FBXO30: variants seen among roughly 807,000 people sequenced by gnomAD.
FBXO30 encodes the protein F-box protein 30, also known as F-box only protein 30.
Under a neutral mutation model 58.1 loss-of-function variants are expected in FBXO30, and 21 were observed. The observed-to-expected ratio is 0.36, with a 90% CI of 0.26 to 0.52. FBXO30 has a LOEUF of 0.52. Ranked by LOEUF, FBXO30 falls within the 20% of genes least tolerant of loss-of-function variation. The pLI, the probability that FBXO30 is intolerant of heterozygous loss-of-function variation, is 0.93. For synonymous variants in FBXO30, 309 were observed against 312.4 expected, an observed-to-expected ratio of 0.99 and a Z score of 0.11; for missense variants, 744 against 897.3, an observed-to-expected ratio of 0.83 and a Z score of 2.18.
Position 145,800,008 on chromosome 6 carries a change from T to A in FBXO30, c.*98A>T. The A allele has an allele frequency of 1.2e-6, 1 of 843,606 alleles. No homozygotes were observed. Among genetic ancestry groups the A allele is most frequent in the East Asian group, 2.7e-5 (1 of 37,390 alleles). 52.3% of individuals were successfully genotyped at this position (843,606 alleles called of 1,614,324 possible). ...CATTATATACACAGTGACAATAAAT[T>A]TAGCTAGTTGTAATATTTAATACAT... is the stretch of plus-strand genomic sequence containing the variant. On this transcript the variant is annotated 3_prime_UTR_variant, in exon 3 of 3. Coordinates refer to ENST00000237281, the MANE Select transcript of FBXO30 (RefSeq NM_032145.5).
rs1778110496 is a variant in FBXO30, at chr6:145,804,732, A to T, written c.1674T>A (p.Ala558=). ...GCTGAGAATAGGTACAACCATAGTA[A>T]GCTAAAGGGCACCTCTGTTCCATCC... is the stretch of plus-strand genomic sequence containing the variant. ...NGWMEQRCPL[A]YYGCTYSQRR... is the part of the protein sequence containing the mutation. The change falls in exon 2 of 3, where the codon GCT becomes GCA. Residue 558 remains alanine (A), a synonymous_variant. Transcript: ENST00000237281. 1.9e-6 allele frequency: 3 copies of T among 1,613,878 alleles called. No homozygotes were observed. Among genetic ancestry groups the T allele is most frequent in the Non-Finnish European group, 2.5e-6 (3 of 1,179,912 alleles).
intron 1 of FBXO30, 43 bp from the exon 2 acceptor site, chr6:145,806,464 T>G: frequency 1.3e-6 from 2 of 1,492,378 alleles, no homozygotes; most frequent in Non-Finnish European, 1.8e-6. Flanking sequence ...AGCCAAAAAA[T>G]GGTTGATTTT....
chr6:145,812,814 T>C (rs1216615870), intron 1 of FBXO30, among the ~76,000 whole-genome samples: 1 of 152,172 alleles, frequency 6.6e-6, no homozygotes, highest in African/African-American at 2.4e-5. Flanking sequence ...ACCTAAAATA[T>C]AGAAGCAACT....
chr6:145,794,202 A>G lies in FBXO30; in HGVS notation c.*5904T>C, dbSNP rs1777826339. ...CTGCATATTTCATATAAATGAAATCATATAATATGTAGCCTTTTGTGTCTA... is the reference window on the plus strand; with the variant it reads ...CTGCATATTTCATATAAATGAAATCGTATAATATGTAGCCTTTTGTGTCTA... On this transcript the variant is annotated 3_prime_UTR_variant, in exon 3 of 3. Coordinates refer to ENST00000237281, the MANE Select transcript of FBXO30 (RefSeq NM_032145.5). The G allele has an allele frequency of 6.6e-6, 1 of 152,010 alleles. No homozygotes were observed. The highest frequency in any genetic ancestry group is 2.1e-4 in the South Asian group (1 of 4,834). 9.4% of individuals were successfully genotyped at this position (152,010 alleles called of 1,614,324 possible).
intron 1 of FBXO30, among the ~76,000 whole-genome samples, chr6:145,812,754 T>C (rs1017251172): frequency 2.6e-5 from 4 of 152,176 alleles, no homozygotes; most frequent in Non-Finnish European, 5.9e-5. Context: ...AAAAAGATTT[T>C]CACAGACTGG....
At position 145,793,642 on chromosome 6, in the gene FBXO30, T is replaced by C. The variant is rs531897221; in HGVS notation, c.*6464A>G. On this transcript the variant is annotated 3_prime_UTR_variant, in exon 3 of 3. Transcript: ENST00000237281. Reference sequence around the variant, plus strand: ...TTCAAAGCATGGTTTTAAAAACACATCTTTAAAAAGCGTGATTGGGATGTG... The same window carrying C: ...TTCAAAGCATGGTTTTAAAAACACACCTTTAAAAAGCGTGATTGGGATGTG... The C allele has an allele frequency of 3.2e-4, 48 of 152,084 alleles. No homozygotes were observed. The highest frequency in any genetic ancestry group is 1.1e-3 in the African/African-American group (45 of 41,526). 9.4% of individuals were successfully genotyped at this position (152,084 alleles called of 1,614,324 possible).
At chr6:145,812,828 C>G (rs749727184) in intron 1 of FBXO30, among the ~76,000 whole-genome samples, 1 of 152,124 alleles carries the variant, frequency 6.6e-6, no homozygotes, top group Non-Finnish European at 1.5e-5. Context: ...AGCAACTTGT[C>G]TAAGGCCAAT....
intron 1 of FBXO30, among the ~76,000 whole-genome samples, chr6:145,810,272 CA>C (rs67074055): frequency 0.46 from 70,498 of 151,844 alleles, 16,892 homozygotes; most frequent in African/African-American, 0.57. Context: ...AGTCAATACT[CA>C]AGAGTATTCT....
chr6:145,800,331 GA>G, intron 2 of FBXO30, 22 bp from the exon 3 acceptor site: 1 of 1,598,424 alleles, frequency 6.3e-7, no homozygotes, highest in Non-Finnish European at 8.6e-7. Flanking sequence ...TTCTACTTTA[GA>G]TTTAAACAAG....
chr6:145,803,761 C>A (rs1305624102), intron 2 of FBXO30, among the ~76,000 whole-genome samples: 1 of 152,098 alleles, frequency 6.6e-6, no homozygotes, highest in Non-Finnish European at 1.5e-5. Context: ...AACCCAGAGT[C>A]CCCACCCAAA....
intron 1 of FBXO30, among the ~76,000 whole-genome samples, 163 bp downstream of exon 1, chr6:145,814,440 G>A (rs556279605): frequency 6.6e-6 from 1 of 152,060 alleles, no homozygotes; most frequent in East Asian, 2.0e-4. Flanking sequence ...CATGGACCGG[G>A]GTCAGCCGCC....
At chr6:145,803,126 T>G (rs1354340140) in intron 2 of FBXO30, among the ~76,000 whole-genome samples, 2 of 151,948 alleles carry the variant, frequency 1.3e-5, no homozygotes, top group Non-Finnish European at 2.9e-5. Flanking sequence ...CGAGTTAAAT[T>G]TGAAGAGTAG....
chr6:145,801,521 G>A (rs1431884367), intron 2 of FBXO30, among the ~76,000 whole-genome samples: 1 of 151,924 alleles, frequency 6.6e-6, no homozygotes, highest in Non-Finnish European at 1.5e-5. Context: ...CAAGAGATTG[G>A]ACACCCCTGC....
Position 145,805,261 on chromosome 6 carries a change from G to C in FBXO30, c.1145C>G (p.Ser382Cys), listed in dbSNP as rs17075385. The change falls in exon 2 of 3, where the codon TCT becomes TGT. Residue 382 changes from serine to cysteine, a missense_variant. By Grantham distance (112) the Ser-to-Cys change is moderately radical. This residue lies in a region of FBXO30 where 275 missense variants were observed against 262.0 expected (regional missense o/e 1.05). Coordinates refer to ENST00000237281, the MANE Select transcript of FBXO30 (RefSeq NM_032145.5). ...ATTGAATGAAGGAGCATGACTGAAA[G>C]ATAAGACATCCACATTCTTCACGTC... Reference protein sequence around the residue: ...LGDVKNVDVLSFSHAPSFNFL... With the variant: ...LGDVKNVDVLCFSHAPSFNFL... The C allele has an allele frequency of 3.2e-3, 5,138 of 1,614,034 alleles. 119 individuals carry two copies. The East Asian group carries it at 0.065, about 20-fold the overall frequency.
intron 1 of FBXO30, among the ~76,000 whole-genome samples, chr6:145,813,533 T>TC (rs1469614180): frequency 6.6e-6 from 1 of 152,220 alleles, no homozygotes. Context: ...GCTACTCTTT[T>TC]CCTTTTGCCA....
intron 2 of FBXO30, among the ~76,000 whole-genome samples, chr6:145,803,741 G>A (rs1218998860): frequency 6.6e-6 from 1 of 151,996 alleles, no homozygotes; most frequent in Non-Finnish European, 1.5e-5. Context: ...CACTCCTTTG[G>A]ACTCTACTAA....
chr6:145,806,451 A>AT, intron 1 of FBXO30, 30 bp from the exon 2 acceptor site: 1 of 1,547,544 alleles, frequency 6.5e-7, no homozygotes, highest in Non-Finnish European at 8.8e-7. Flanking sequence ...AAGATAAGAA[A>AT]TTAGCCAAAA....
chr6:145,800,215 T>C lies in FBXO30; in HGVS notation c.2129A>G (p.Asn710Ser). The change falls in exon 3 of 3, where the codon AAT becomes AGT. Residue 710 changes from asparagine to serine, a missense_variant. This residue lies in a region of FBXO30 where 334 missense variants were observed against 433.7 expected (regional missense o/e 0.77). Coordinates refer to ENST00000237281, the MANE Select transcript of FBXO30 (RefSeq NM_032145.5). ...TGCTTCCTCCCGTTTCTCGACAACA[T>C]TGTAACTGCATTTCTTCAAGTGGTC... ...MADHLKKCSY[N>S]VVEKREEAIP... The C allele has an allele frequency of 2.5e-6, 4 of 1,613,160 alleles. No homozygotes were observed. Among genetic ancestry groups the C allele is most frequent in the Non-Finnish European group, 2.5e-6 (3 of 1,179,382 alleles).
chr6:145,796,217 G>T lies in FBXO30; in HGVS notation c.*3889C>A, dbSNP rs1331462741. The T allele has an allele frequency of 2.0e-5, 3 of 151,848 alleles. No individual in the cohort carries two copies. The highest frequency in any genetic ancestry group is 2.9e-5 in the Non-Finnish European group (2 of 67,858). 9.4% of individuals were successfully genotyped at this position (151,848 alleles called of 1,614,324 possible). Reference sequence around the variant, plus strand: ...CTCACTTTAATCTTTTAAATAAAGGGAAATAATTATGTAAAAGATGACTTC... The same window carrying T: ...CTCACTTTAATCTTTTAAATAAAGGTAAATAATTATGTAAAAGATGACTTC... On this transcript the variant is annotated 3_prime_UTR_variant, in exon 3 of 3. Transcript: ENST00000237281.
Sources: allele counts gnomAD v4.1 joint callset (sites outside exome capture counted in the v4.1 genomes callset), GRCh38; gene constraint gnomAD v4.1.1; regional missense constraint gnomAD v4.1.1; transcripts MANE v1.5; gene names NCBI Gene and HGNC (gene_info 2026-07-23, HGNC 2026-07-21).